Variants in LAX1 observed in about 807,000 individuals in gnomAD.
LAX1 encodes lymphocyte transmembrane adapter 1.
A neutral mutation model predicts 20.7 loss-of-function variants in LAX1; 17 were observed. That is an observed-to-expected ratio of 0.82 (90% CI 0.56 to 1.23). The LOEUF is 1.23. Among genes scored for constraint, LAX1 ranks in the 50% most tolerant of loss-of-function variants. The probability of loss-of-function intolerance (pLI) is 0.00; values close to 1 mark genes in which losing one functional copy is unlikely to be tolerated. For synonymous variants in LAX1, 165 were observed against 181.0 expected (o/e 0.91, Z 0.71); for missense variants, 470 against 487.0 (o/e 0.97, Z 0.33).
Position 203,771,480 on chromosome 1 carries a change from A to G in LAX1, c.310+3A>G, listed in dbSNP as rs1384828163. 2 of 1,569,418 alleles carry G rather than the reference A, an allele frequency of 1.3e-6. No homozygotes were observed. Among genetic ancestry groups the G allele is most frequent in the African/African-American group, 2.7e-5 (2 of 73,928 alleles). On this transcript the variant is annotated splice_donor_region_variant and intron_variant, in intron 3 of 4. Transcript: ENST00000442561. ...GCCTTGGCGACAGGAAGACCTGGGT[A>G]GGTTTTTCCTTCTAATCTATGGAGT...
chr1:203,770,517 GA>G (rs879901773), intron 1 of LAX1, among the ~76,000 whole-genome samples: 3 of 122,830 alleles, frequency 2.4e-5, no homozygotes, highest in African/African-American at 6.2e-5. Flanking sequence ...AAGGAAGAAA[GA>G]AAGAAAGAAA....
chr1:203,771,135 A>T (rs1460940608), intron 2 of LAX1, among the ~76,000 whole-genome samples, 198 bp downstream of exon 2: 1 of 152,204 alleles, frequency 6.6e-6, no homozygotes, highest in Non-Finnish European at 1.5e-5. Context: ...TTCCCCTGGG[A>T]AAGACATTGC....
At position 203,774,715 on chromosome 1, in the gene LAX1, G is replaced by A. The variant is rs369197628; in HGVS notation, c.*34G>A. Reference sequence around the variant, plus strand: ...GTACCCAGCCATAAAGCCACATTGAGTAGTCTATCCCATAGGATTGACTAC... The same window carrying A: ...GTACCCAGCCATAAAGCCACATTGAATAGTCTATCCCATAGGATTGACTAC... On this transcript the variant is annotated 3_prime_UTR_variant, in exon 5 of 5. Coordinates refer to ENST00000442561, the MANE Select transcript of LAX1 (RefSeq NM_017773.4). 3 of 1,578,048 alleles carry A rather than the reference G, an allele frequency of 1.9e-6. No individual in the cohort carries two copies. The highest frequency in any genetic ancestry group is 2.6e-6 in the Non-Finnish European group (3 of 1,153,822).
chr1:203,766,896 C>A (rs1667313438), intron 1 of LAX1, among the ~76,000 whole-genome samples: 1 of 152,006 alleles, frequency 6.6e-6, no homozygotes, highest in Non-Finnish European at 1.5e-5. Context: ...CGCTCTGTCG[C>A]CCAGGCTGGA....
chr1:203,771,426 C>A lies in LAX1; in HGVS notation c.259C>A (p.Gln87Lys). The change falls in exon 3 of 5, where the codon CAA becomes AAA. Residue 87 changes from glutamine to lysine, a missense_variant. Physicochemically the swap from Gln to Lys is moderately conservative, Grantham distance 53. Transcript: ENST00000442561. ...CTTGCTGACTTTGCCACAAACCAGA[C>A]AAAGAGCCAAAAATATTTATGACAT... ...MPLLTLPQTR[Q>K]RAKNIYDILP... The A allele has an allele frequency of 6.2e-7, 1 of 1,613,900 alleles. No homozygotes were observed. The highest frequency in any genetic ancestry group is 8.5e-7 in the Non-Finnish European group (1 of 1,179,822).
intron 1 of LAX1, among the ~76,000 whole-genome samples, chr1:203,769,444 G>GAAAGAAAGGAAGGAA (rs1553254225): frequency 7.5e-6 from 1 of 133,506 alleles, no homozygotes; most frequent in Non-Finnish European, 1.6e-5. Context: ...AAAGAAAGAA[G>GAAAGAAAGGAAGGAA]GAAAGAAAGA....
At position 203,767,303 on chromosome 1, in the gene LAX1, C is replaced by CTTTTTTTTTTTTTTTTTTTTTTTTT. The variant is rs755164305; in HGVS notation, c.89+1670_89+1671insTTTTTTTTTTTTTTTTTTTTTTTTT. Among the ~76,000 whole-genome samples the CTTTTTTTTTTTTTTTTTTTTTTTTT allele has an allele frequency of 4.4e-5, 4 of 90,448 alleles. 1 individual carries two copies. Among genetic ancestry groups the CTTTTTTTTTTTTTTTTTTTTTTTTT allele is most frequent in the East Asian group, 1.6e-3 (2 of 1,252 alleles). 59.3% of individuals were successfully genotyped at this position (90,448 alleles called of 152,430 possible). A position where few individuals can be genotyped will look rare whatever the true frequency, so the allele number is the denominator to read the frequency against. ...GTAACCACCATTCTACTCTCCACTT[C>CTTTTTTTTTTTTTTTTTTTTTTTTT]TTTTTTTTTTTTTTTTTTTTTGAGA... On this transcript the variant is annotated intron_variant, in intron 1 of 4. Coordinates refer to ENST00000442561, the MANE Select transcript of LAX1 (RefSeq NM_017773.4).
chr1:203,774,597 T>C lies in LAX1; in HGVS notation c.1113T>C (p.Ser371=). ...HREEMSNEDS[S]DYENVLTAKL... ...AAGAGATGTCAAATGAGGACTCCAGTGACTATGAAAATGTGCTAACTGCCA... is the reference window on the plus strand; with the variant it reads ...AAGAGATGTCAAATGAGGACTCCAGCGACTATGAAAATGTGCTAACTGCCA... The change falls in exon 5 of 5, where the codon AGT becomes AGC. Residue 371 remains serine (S), a synonymous_variant. Coordinates refer to ENST00000442561, the MANE Select transcript of LAX1 (RefSeq NM_017773.4). 2 of 1,614,152 alleles carry C rather than the reference T, an allele frequency of 1.2e-6. No homozygotes were observed. Among genetic ancestry groups the C allele is most frequent in the Non-Finnish European group, 1.7e-6 (2 of 1,180,012 alleles).
In LAX1 at chr1:203,774,200, G is replaced by A; in HGVS notation, c.716G>A (p.Gly239Asp). Residue 239 changes from glycine (G) to aspartate (D), a missense_variant, in exon 5 of 5, where the codon GGT becomes GAT. By Grantham distance (94) the Gly-to-Asp change is moderately conservative. Transcript: ENST00000442561. The part of the protein sequence containing the change: ...EERDEGCGDA[G>D]DCTSLYSPGA... ...AGAGATGAGGGCTGTGGAGATGCTG[G>A]TGACTGCACCAGTTTGTATTCTCCA... 6.2e-7 allele frequency: 1 copy of A among 1,614,180 alleles called. No individual in the cohort carries two copies. Among genetic ancestry groups the A allele is most frequent in the Non-Finnish European group, 8.5e-7 (1 of 1,180,044 alleles).
Position 203,775,008 on chromosome 1 carries a change from G to C in LAX1, c.*327G>C, listed in dbSNP as rs2102271937. 3.4e-6 allele frequency: 1 copy of C among 296,276 alleles called. No homozygotes were observed. Among genetic ancestry groups the C allele is most frequent in the South Asian group, 6.1e-5 (1 of 16,486 alleles). 18.4% of individuals were successfully genotyped at this position (296,276 alleles called of 1,614,324 possible). A position where few individuals can be genotyped will look rare whatever the true frequency, so the allele number is the denominator to read the frequency against. On this transcript the variant is annotated 3_prime_UTR_variant, in exon 5 of 5. Coordinates refer to ENST00000442561, the MANE Select transcript of LAX1 (RefSeq NM_017773.4). ...ATTATTACCTTCATTAATACCAACA[G>C]GCTGCAAAGCAAGAGTATAGATTAT...
At chr1:203,769,454 AAAAG>A (rs1667365747) in intron 1 of LAX1, among the ~76,000 whole-genome samples, 1 of 106,408 alleles carries the variant, frequency 9.4e-6, no homozygotes, top group Non-Finnish European at 2.2e-5. Context: ...GGAAAGAAAG[AAAAG>A]AAAAGAAAGA....
chr1:203,771,028 T>C (rs1667412948), intron 2 of LAX1, 91 bp downstream of exon 2: 2 of 1,084,330 alleles, frequency 1.8e-6, no homozygotes, highest in Middle Eastern at 2.0e-4. Flanking sequence ...AGGGATAAAC[T>C]ATTGGCCTGG....
In LAX1 at chr1:203,773,862, T is replaced by C; in HGVS notation, c.391-13T>C. Reference sequence around the variant, plus strand: ...CTTGCATCTGACCACTGGCTTCCTTTTCTTCTTCATAGCCCTCCCAAGCAG... The same window carrying C: ...CTTGCATCTGACCACTGGCTTCCTTCTCTTCTTCATAGCCCTCCCAAGCAG... On this transcript the variant is annotated splice_polypyrimidine_tract_variant and intron_variant, in intron 4 of 4. Coordinates refer to ENST00000442561, the MANE Select transcript of LAX1 (RefSeq NM_017773.4). The C allele has an allele frequency of 6.3e-7, 1 of 1,590,458 alleles. No individual in the cohort carries two copies. Among genetic ancestry groups the C allele is most frequent in the Non-Finnish European group, 8.6e-7 (1 of 1,166,352 alleles).
chr1:203,766,202 C>A (rs1164207293), intron 1 of LAX1, among the ~76,000 whole-genome samples: 2 of 152,142 alleles, frequency 1.3e-5, no homozygotes, highest in African/African-American at 4.8e-5. Context: ...GCTGACTGGG[C>A]GCGGTGGCTC....
chr1:203,770,487 A>G (rs1667393551), intron 1 of LAX1, among the ~76,000 whole-genome samples: 1 of 77,306 alleles, frequency 1.3e-5, no homozygotes, highest in Non-Finnish European at 2.6e-5. Flanking sequence ...GGAAGGAAGG[A>G]AGGAAGGAAG....
intron 1 of LAX1, among the ~76,000 whole-genome samples, chr1:203,766,948 C>T (rs1386787029): frequency 9.2e-5 from 14 of 152,010 alleles, no homozygotes; most frequent in African/African-American, 3.1e-4. Context: ...CTCCACCTCC[C>T]AGGTTCAAGC....
In LAX1 at chr1:203,772,138, G is replaced by A. The variant is rs12035156; in HGVS notation, c.381G>A (p.Pro127=). The change falls in exon 4 of 5, where the codon CCG becomes CCA. Residue 127 remains proline (P), a synonymous_variant. Transcript: ENST00000442561. Reference sequence around the variant, plus strand: ...TCCTCTCCAGAAATTCTGAGAGCCCGGAGCATGTGGTAAGAGTCAAGCTTC... The same window carrying A: ...TCCTCTCCAGAAATTCTGAGAGCCCAGAGCATGTGGTAAGAGTCAAGCTTC... ...ESLLSRNSES[P]EHVPSQAGNA... 1.1e-3 allele frequency: 1,709 copies of A among 1,612,616 alleles called. 4 individuals carry two copies. Among genetic ancestry groups the A allele is most frequent in the East Asian group, 5.3e-3 (236 of 44,870 alleles).
intron 2 of LAX1, 83 bp from the exon 3 acceptor site, chr1:203,771,283 CA>C (rs1023226911): frequency 6.8e-6 from 6 of 876,106 alleles, no homozygotes; most frequent in Non-Finnish European, 1.2e-5. Flanking sequence ...GGAGCATTTT[CA>C]GGGGCCATCT....
rs1427298416 is a variant in LAX1, at chr1:203,769,430, AAAG to A, written c.90-1395_90-1393del. Among the ~76,000 whole-genome samples the A allele has an allele frequency of 4.3e-4, 44 of 102,214 alleles. 1 individual carries two copies. Among genetic ancestry groups the A allele is most frequent in the South Asian group, 4.2e-3 (13 of 3,116 alleles). The allele number at this position is 102,214 out of a possible 152,430, so 67.1% of individuals were successfully genotyped here. A position where few individuals can be genotyped will look rare whatever the true frequency, so the allele number is the denominator to read the frequency against. On this transcript the variant is annotated intron_variant, in intron 1 of 4. Transcript: ENST00000442561. ...GAAAGAAAGAAAGAAAGAAAGAAAG[AAAG>A]AAAGAAAGAAGGAAAGAAAGAAAAG...
Sources: gnomAD v4.1 joint callset for allele counts (sites outside exome capture counted in the v4.1 genomes callset) on GRCh38, gnomAD v4.1.1 for gene constraint, MANE v1.5 for transcripts, NCBI Gene and HGNC (gene_info 2026-07-23, HGNC 2026-07-21) for gene names.